KALRN: variants seen among roughly 807,000 people sequenced by gnomAD.
The protein encoded by KALRN is kalirin.
In KALRN, 70 loss-of-function variants were observed where a neutral mutation model predicts 353.7. The observed-to-expected ratio is 0.20, with a 90% CI of 0.16 to 0.24. The LOEUF (loss-of-function observed/expected upper bound fraction) is 0.24. Among genes scored for constraint, KALRN ranks in the 10% least tolerant of loss-of-function variants. The probability of loss-of-function intolerance (pLI) is 1.00; values close to 1 mark genes in which losing one functional copy is unlikely to be tolerated. For missense variants in KALRN, 2,791 were observed against 3,756.7 expected, an observed-to-expected ratio of 0.74 and a Z score of 6.72; for synonymous variants, 1,391 against 1,434.8, an observed-to-expected ratio of 0.97 and a Z score of 0.69.
intron 34 of KALRN, among the ~76,000 whole-genome samples, chr3:124,624,825 A>G (rs1421417155): frequency 6.6e-6 from 1 of 152,210 alleles, no homozygotes; most frequent in Non-Finnish European, 1.5e-5. Flanking sequence ...GATTGCAGGC[A>G]TTGGTCTTAG....
At chr3:124,468,177 C>T (rs528320669) in intron 25 of KALRN, among the ~76,000 whole-genome samples, 7 of 152,268 alleles carry the variant, frequency 4.6e-5, no homozygotes, top group African/African-American at 1.7e-4. Context: ...CCCTGATATA[C>T]GCATGCATAT....
At chr3:124,567,374 G>T (rs1455132844) in intron 34 of KALRN, among the ~76,000 whole-genome samples, 1 of 152,172 alleles carries the variant, frequency 6.6e-6, no homozygotes, top group East Asian at 1.9e-4. Flanking sequence ...GGTAGTGCTA[G>T]GGCTCCTCTC....
intron 6 of KALRN, among the ~76,000 whole-genome samples, chr3:124,319,461 C>A (rs915346923): frequency 5.3e-5 from 8 of 151,118 alleles, no homozygotes; most frequent in Admixed American, 2.0e-4. Context: ...ACATAAGTTC[C>A]CTAGCTCCAT....
chr3:124,041,766 C>T (rs1363131106), intron 1 of KALRN, among the ~76,000 whole-genome samples: 1 of 152,208 alleles, frequency 6.6e-6, no homozygotes, highest in Non-Finnish European at 1.5e-5. Context: ...GTATGAATGA[C>T]TGGCAGCGAA....
At chr3:124,519,809 G>T (rs1561210800) in intron 33 of KALRN, 1 of 985,244 alleles carries the variant, frequency 1.0e-6, no homozygotes, top group Non-Finnish European at 1.2e-6. Context: ...TTTTCCGTAT[G>T]TCACTTTCTT....
chr3:124,453,472 C>G (rs2058998435), intron 21 of KALRN, among the ~76,000 whole-genome samples: 1 of 77,132 alleles, frequency 1.3e-5, no homozygotes, highest in South Asian at 4.9e-4. Context: ...GAGGGTTGAT[C>G]TCTCATGGGA....
chr3:124,114,189 C>T (rs73857600), intron 1 of KALRN, among the ~76,000 whole-genome samples: 2,680 of 152,256 alleles, frequency 0.018, 62 homozygotes, highest in African/African-American at 0.06. Context: ...TGGCCATTAT[C>T]GGCATTTGGA....
intron 5 of KALRN, among the ~76,000 whole-genome samples, chr3:124,278,045 G>A (rs2074951810): frequency 6.7e-6 from 1 of 148,826 alleles, no homozygotes; most frequent in African/African-American, 2.5e-5. Flanking sequence ...GGCAGTAACT[G>A]AGAAAAGTTC....
chr3:124,254,600 A>G (rs1031368296), intron 3 of KALRN, among the ~76,000 whole-genome samples: 9 of 152,178 alleles, frequency 5.9e-5, no homozygotes, highest in African/African-American at 2.2e-4. Flanking sequence ...TATGAGTTTC[A>G]TCTGAGGAAT....
intron 1 of KALRN, among the ~76,000 whole-genome samples, chr3:124,185,376 G>T (rs553654523): frequency 8.5e-5 from 13 of 152,274 alleles, no homozygotes; most frequent in Non-Finnish European, 1.9e-4. Flanking sequence ...GCTTGTTCTT[G>T]GGCCCCATGT....
intron 1 of KALRN, among the ~76,000 whole-genome samples, chr3:124,084,544 A>G (rs2060706449): frequency 6.6e-6 from 1 of 152,220 alleles, no homozygotes; most frequent in Non-Finnish European, 1.5e-5. Flanking sequence ...GATGAGCTCC[A>G]TACAGTTTTA....
chr3:124,602,940 G>GTTTT (rs577959368), intron 34 of KALRN, among the ~76,000 whole-genome samples: 2 of 35,646 alleles, frequency 5.6e-5, no homozygotes, highest in African/African-American at 1.3e-4. Flanking sequence ...AGTTTTCGTG[G>GTTTT]TTTTTTTTTT....
intron 21 of KALRN, among the ~76,000 whole-genome samples, chr3:124,447,999 G>A (rs763351374): frequency 6.6e-6 from 1 of 152,184 alleles, no homozygotes; most frequent in Admixed American, 6.5e-5. Context: ...GAATTAACAA[G>A]TTGGCTTTAT....
chr3:124,302,047 A>T (rs2077309924), intron 6 of KALRN, among the ~76,000 whole-genome samples: 1 of 152,254 alleles, frequency 6.6e-6, no homozygotes, highest in African/African-American at 2.4e-5. Context: ...ATGCATAAAC[A>T]CATTTTTAAA....
At chr3:124,434,592 G>A (rs2150502100) in intron 17 of KALRN, 67 bp downstream of exon 17, 1 of 1,459,680 alleles carries the variant, frequency 6.9e-7, no homozygotes, top group Non-Finnish European at 9.5e-7. Context: ...GCCTTGCAGT[G>A]TAAATGTGCA....
intron 1 of KALRN, among the ~76,000 whole-genome samples, chr3:124,143,944 A>G (rs1436613543): frequency 1.3e-5 from 2 of 152,198 alleles, no homozygotes; most frequent in East Asian, 3.9e-4. Context: ...GATGGGCAGT[A>G]AGGGGGGGAT....
chr3:124,221,730 G>A (rs2077929357), intron 1 of KALRN, among the ~76,000 whole-genome samples: 1 of 152,160 alleles, frequency 6.6e-6, no homozygotes, highest in Non-Finnish European at 1.5e-5. Context: ...AAGATATAGT[G>A]GATACAGGAT....
intron 45 of KALRN, among the ~76,000 whole-genome samples, chr3:124,664,301 G>T (rs2085268476): frequency 6.7e-6 from 1 of 150,312 alleles, no homozygotes; most frequent in Non-Finnish European, 1.5e-5. Context: ...TCTATCCCAA[G>T]TTAAACTTCA....
At chr3:124,386,750 A>G (rs1341722584) in intron 11 of KALRN, among the ~76,000 whole-genome samples, 1 of 152,192 alleles carries the variant, frequency 6.6e-6, no homozygotes, top group East Asian at 1.9e-4. Flanking sequence ...AATTAAGCTG[A>G]AGTAGTATAG....
Sources: allele counts gnomAD v4.1 joint callset (sites outside exome capture counted in the v4.1 genomes callset), GRCh38; gene constraint gnomAD v4.1.1; transcripts MANE v1.5; gene names NCBI Gene and HGNC (gene_info 2026-07-23, HGNC 2026-07-21).